The following ANXA8 variants were observed in gnomAD, a reference collection of about 807,000 sequenced individuals.
ANXA8 encodes VAC-beta.
ANXA8 carries 9 observed loss-of-function variants against 26.8 expected under a neutral mutation model. The ratio of observed to expected loss-of-function variants is 0.34; its 90% CI spans 0.20 to 0.59. The LOEUF (loss-of-function observed/expected upper bound fraction) is 0.59, where lower values mean the gene tolerates loss of function less well. ANXA8 is among the 20% of genes least tolerant of loss of function. ANXA8 has a pLI of 0.84. For missense variants in ANXA8, 83 were observed against 238.5 expected (o/e 0.35, Z 4.29); for synonymous variants, 39 against 94.8 (o/e 0.41, Z 3.42).
chr10:47,742,976 A>G, the ANXA8 span, among the ~76,000 whole-genome samples: 2 of 139,654 alleles, frequency 1.4e-5, 1 homozygote, highest in South Asian at 4.6e-4. Context: ...AACACGGTGA[A>G]ACCCCGTCTC....
At chr10:47,894,510 C>CACACACACACTACACACGT in the ANXA8 span, among the ~76,000 whole-genome samples, 1 of 138,022 alleles carries the variant, frequency 7.2e-6, no homozygotes, top group South Asian at 2.4e-4. Flanking sequence ...ACTACACACG[C>CACACACACACTACACACGT]CACACACACC....
chr10:47,526,237 T>A, the ANXA8 span, among the ~76,000 whole-genome samples: 1 of 126,978 alleles, frequency 7.9e-6, no homozygotes, highest in Middle Eastern at 4.0e-3. Context: ...CCCAAGTAGC[T>A]GGGATTACAG....
the ANXA8 span, among the ~76,000 whole-genome samples, chr10:47,669,129 T>A: frequency 6.6e-6 from 1 of 151,846 alleles, no homozygotes; most frequent in African/African-American, 2.4e-5. Flanking sequence ...GAGGGAATAA[T>A]CCTCTAGAAT....
chr10:47,600,324 C>T, the ANXA8 span, among the ~76,000 whole-genome samples: 4,315 of 150,316 alleles, frequency 0.029, 98 homozygotes, highest in Non-Finnish European at 0.038. Context: ...AGCTGCAGCG[C>T]TTGGGCCAAG....
chr10:47,590,086 C>A, the ANXA8 span: 2 of 145,974 alleles, frequency 1.4e-5, no homozygotes, highest in Non-Finnish European at 2.9e-5. Context: ...AATTTGAAAA[C>A]AATCATTCAG....
At chr10:47,730,583 C>G in the ANXA8 span, 2 of 962,028 alleles carry the variant, frequency 2.1e-6, no homozygotes, top group Non-Finnish European at 1.5e-6. Flanking sequence ...TAAATTAAAA[C>G]TTTTTTCTAA....
At chr10:47,718,101 G>A in the ANXA8 span, among the ~76,000 whole-genome samples, 1 of 152,152 alleles carries the variant, frequency 6.6e-6, no homozygotes, top group Non-Finnish European at 1.5e-5. Context: ...GACTACTTGG[G>A]TGATGATATG....
At chr10:47,668,008 G>A in the ANXA8 span, among the ~76,000 whole-genome samples, 2 of 151,918 alleles carry the variant, frequency 1.3e-5, no homozygotes, top group Non-Finnish European at 2.9e-5. Context: ...AAAGTGCTGG[G>A]ATTATGGGCG....
At chr10:47,958,743 T>TAAA in the ANXA8 span, among the ~76,000 whole-genome samples, 114 of 147,906 alleles carry the variant, frequency 7.7e-4, 13 homozygotes, top group East Asian at 0.022. Context: ...GAAAAGAGGT[T>TAAA]TAATAGACTC....
the ANXA8 span, among the ~76,000 whole-genome samples, chr10:47,925,816 T>G: frequency 6.8e-6 from 1 of 146,494 alleles, no homozygotes; most frequent in Non-Finnish European, 1.5e-5. Context: ...TCTAAAATTG[T>G]TATTGCTGAA....
chr10:47,976,071 A>C, the ANXA8 span, among the ~76,000 whole-genome samples: 2 of 147,974 alleles, frequency 1.4e-5, no homozygotes, highest in African/African-American at 4.9e-5. Context: ...GAATCCTAGG[A>C]GTATCCAGTA....
the ANXA8 span, among the ~76,000 whole-genome samples, chr10:47,988,434 C>T: frequency 3.9e-5 from 3 of 76,144 alleles, no homozygotes; most frequent in Non-Finnish European, 6.3e-5. Flanking sequence ...CTAAACATGC[C>T]AAGTCCAACA....
the ANXA8 span, among the ~76,000 whole-genome samples, chr10:47,916,588 G>A: frequency 6.1e-5 from 8 of 131,706 alleles, 1 homozygote; most frequent in Admixed American, 6.0e-4. Flanking sequence ...TCTCGCCTGT[G>A]AGATGGGATG....
the ANXA8 span, among the ~76,000 whole-genome samples, chr10:47,950,522 T>C: frequency 6.6e-6 from 1 of 150,772 alleles, no homozygotes; most frequent in Admixed American, 6.6e-5. Flanking sequence ...ACCATATTCA[T>C]AGAATCCACA....
At chr10:47,949,255 T>C in the ANXA8 span, among the ~76,000 whole-genome samples, 1 of 146,254 alleles carries the variant, frequency 6.8e-6, no homozygotes, top group South Asian at 2.1e-4. Flanking sequence ...AAGTTGCTAA[T>C]AACTTTATTT....
chr10:47,485,493 C>G (rs1324912051), upstream of ANXA8, among the ~76,000 whole-genome samples: 1 of 152,024 alleles, frequency 6.6e-6, no homozygotes, highest in African/African-American at 2.4e-5. Flanking sequence ...AAGACATTGG[C>G]TATACCTGGG....
the ANXA8 span, among the ~76,000 whole-genome samples, chr10:47,546,342 CAG>C: frequency 8.1e-6 from 1 of 122,978 alleles, no homozygotes; most frequent in African/African-American, 3.0e-5. Flanking sequence ...AGTAAAAAAA[CAG>C]AAAGATTATG....
chr10:47,583,803 C>G, the ANXA8 span, among the ~76,000 whole-genome samples: 10 of 143,874 alleles, frequency 7.0e-5, no homozygotes, highest in Admixed American at 6.8e-4. Context: ...CCAGTGGTTC[C>G]TGTTTAGTCC....
chr10:47,743,954 G>C, the ANXA8 span, among the ~76,000 whole-genome samples: 2 of 140,754 alleles, frequency 1.4e-5, no homozygotes, highest in Non-Finnish European at 1.6e-5. Context: ...CAGATGATTT[G>C]CCAGACGGTA....
Sources: gnomAD v4.1 joint callset for allele counts (sites outside exome capture counted in the v4.1 genomes callset) on GRCh38, gnomAD v4.1.1 for gene constraint, MANE v1.5 for transcripts, NCBI Gene and HGNC (gene_info 2026-07-23, HGNC 2026-07-21) for gene names.